Variants in DISC1 observed in about 807,000 individuals in gnomAD.
DISC1 encodes DISC1 scaffold protein.
A neutral mutation model predicts 84.5 loss-of-function variants in DISC1; 57 were observed. The ratio of observed to expected loss-of-function variants is 0.67; its 90% confidence interval spans 0.55 to 0.84. The LOEUF is 0.84. Ranked by LOEUF, DISC1 falls within the 40% of genes least tolerant of loss-of-function variation. The pLI is 0.00. For missense variants in DISC1, 1,000 were observed against 1,057.8 expected (o/e 0.95, Z 0.76); for synonymous variants, 411 against 415.2 (o/e 0.99, Z 0.12).
intron 9 of DISC1, among the ~76,000 whole-genome samples, chr1:231,828,809 A>G (rs962920388): frequency 7.2e-5 from 11 of 152,176 alleles, no homozygotes; most frequent in Non-Finnish European, 1.3e-4. Flanking sequence ...TAGTGAGAGC[A>G]TGGCACCAGT....
intron 10 of DISC1, among the ~76,000 whole-genome samples, chr1:231,961,132 G>T (rs990853422): frequency 2.0e-5 from 3 of 152,162 alleles, no homozygotes; most frequent in Admixed American, 2.0e-4. Context: ...TGGGCCTTTT[G>T]TGGGGACATC....
At chr1:231,657,540 C>G (rs2061208506) in intron 1 of DISC1, among the ~76,000 whole-genome samples, 1 of 152,176 alleles carries the variant, frequency 6.6e-6, no homozygotes, top group African/African-American at 2.4e-5. Flanking sequence ...GTGTTTTCAT[C>G]ATGAAATCTT....
intron 9 of DISC1, among the ~76,000 whole-genome samples, chr1:231,926,570 T>C (rs1369469738): frequency 6.6e-6 from 1 of 152,208 alleles, no homozygotes; most frequent in African/African-American, 2.4e-5. Flanking sequence ...ACTTGGTGAC[T>C]GGTCCCAGGC....
chr1:231,720,402 G>A (rs143372568), intron 3 of DISC1, among the ~76,000 whole-genome samples: 98 of 152,206 alleles, frequency 6.4e-4, no homozygotes, highest in Non-Finnish European at 1.2e-3. Flanking sequence ...GCAGTGGCAT[G>A]ATCATAGCTC....
chr1:231,699,369 G>A (rs1316936160), intron 2 of DISC1, among the ~76,000 whole-genome samples: 3 of 152,004 alleles, frequency 2.0e-5, no homozygotes, highest in Non-Finnish European at 4.4e-5. Flanking sequence ...ACCAAACAAA[G>A]GAAAATGATG....
chr1:231,946,926 A>G (rs1657342616), intron 9 of DISC1, among the ~76,000 whole-genome samples: 1 of 152,196 alleles, frequency 6.6e-6, no homozygotes, highest in African/African-American at 2.4e-5. Flanking sequence ...TTCAAGGAAA[A>G]CTACAAACCA....
chr1:232,033,366 G>T (rs1572705036), intron 12 of DISC1, among the ~76,000 whole-genome samples: 1 of 152,302 alleles, frequency 6.6e-6, no homozygotes, highest in Non-Finnish European at 1.5e-5. Context: ...TTCAAGCCAT[G>T]ATTGTTTCTT....
At chr1:231,728,676 T>G (rs1326292776) in intron 3 of DISC1, among the ~76,000 whole-genome samples, 3 of 152,202 alleles carry the variant, frequency 2.0e-5, no homozygotes, top group Non-Finnish European at 1.5e-5. Context: ...CCATCTGCAT[T>G]CTGTTACTAT....
At chr1:232,001,546 A>G (rs1666692141) in intron 10 of DISC1, among the ~76,000 whole-genome samples, 1 of 152,236 alleles carries the variant, frequency 6.6e-6, no homozygotes, top group African/African-American at 2.4e-5. Context: ...CCAACATATT[A>G]TAAATAAATT....
chr1:231,889,151 G>A (rs374787845), intron 9 of DISC1, among the ~76,000 whole-genome samples: 2 of 152,296 alleles, frequency 1.3e-5, no homozygotes, highest in African/African-American at 4.8e-5. Context: ...TAGGCAGAAA[G>A]CACCTGAGTT....
chr1:231,655,175 C>T (rs2060951660), intron 1 of DISC1, among the ~76,000 whole-genome samples: 1 of 152,024 alleles, frequency 6.6e-6, no homozygotes, highest in Non-Finnish European at 1.5e-5. Flanking sequence ...TGGTATAGTC[C>T]TGAAGTCTGA....
At chr1:232,014,074 C>T (rs1228705516) in intron 11 of DISC1, among the ~76,000 whole-genome samples, 2 of 152,266 alleles carry the variant, frequency 1.3e-5, no homozygotes, top group African/African-American at 2.4e-5. Context: ...ATCTCCATTC[C>T]TTTTTACTCA....
In DISC1 at chr1:231,864,533, G is replaced by A. The variant is rs1013574673; in HGVS notation, c.1981+46016G>A. ...AAAAAATTAGCTGGGTGTGGTGGTGGGCGCCTGTAATCCCAGCTACGCAGG... is the reference window on the plus strand; with the variant it reads ...AAAAAATTAGCTGGGTGTGGTGGTGAGCGCCTGTAATCCCAGCTACGCAGG... On this transcript the variant is annotated intron_variant, in intron 9 of 12. Transcript: ENST00000439617. Among the ~76,000 whole-genome samples the A allele has an allele frequency of 3.9e-5, 6 of 152,132 alleles. No homozygotes were observed. In the South Asian group the frequency reaches 1.0e-3, roughly 26 times the overall value.
At chr1:231,939,573 T>C (rs2091178314) in intron 9 of DISC1, among the ~76,000 whole-genome samples, 1 of 152,136 alleles carries the variant, frequency 6.6e-6, no homozygotes, top group African/African-American at 2.4e-5. Flanking sequence ...TCCATCTTTA[T>C]TTCTCAAAAC....
intron 9 of DISC1, among the ~76,000 whole-genome samples, chr1:231,819,460 A>G (rs1374235013): frequency 6.6e-6 from 1 of 151,826 alleles, no homozygotes; most frequent in Non-Finnish European, 1.5e-5. Flanking sequence ...TTGTGTAGAG[A>G]GAGGTTTCTT....
At chr1:231,664,824 A>G (rs2061877282) in intron 1 of DISC1, among the ~76,000 whole-genome samples, 1 of 152,022 alleles carries the variant, frequency 6.6e-6, no homozygotes, top group African/African-American at 2.4e-5. Context: ...TTTTTTTTTT[A>G]GTAAATATAT....
intron 10 of DISC1, among the ~76,000 whole-genome samples, chr1:231,970,257 A>G (rs969302359): frequency 1.3e-5 from 2 of 152,194 alleles, no homozygotes; most frequent in African/African-American, 4.8e-5. Context: ...CTTCTCCAGC[A>G]CCTGTTGTTT....
intron 3 of DISC1, among the ~76,000 whole-genome samples, chr1:231,716,272 C>G (rs1181284294): frequency 3.4e-5 from 3 of 87,164 alleles, no homozygotes; most frequent in Non-Finnish European, 6.5e-5. Flanking sequence ...TTCTGTTTGG[C>G]AATAAGAAGC....
intron 9 of DISC1, among the ~76,000 whole-genome samples, chr1:231,857,378 C>G (rs978028239): frequency 6.6e-6 from 1 of 152,286 alleles, no homozygotes; most frequent in Middle Eastern, 3.4e-3. Context: ...ATCTATTTAA[C>G]TGATTTAAAA....
Sources: gnomAD v4.1 joint callset for allele counts (sites outside exome capture counted in the v4.1 genomes callset) on GRCh38, gnomAD v4.1.1 for gene constraint, MANE v1.5 for transcripts, NCBI Gene and HGNC (gene_info 2026-07-23, HGNC 2026-07-21) for gene names.